The following GRID2 variants were observed in gnomAD, a reference collection of about 807,000 sequenced individuals.
The protein encoded by GRID2 is glutamate ionotropic receptor delta type subunit 2.
In GRID2, 33 loss-of-function variants were observed where a neutral mutation model predicts 114.8. That is an observed-to-expected ratio of 0.29 (90% confidence interval 0.22 to 0.38). GRID2 has a LOEUF of 0.38. Ranked by LOEUF, GRID2 falls within the 10% of genes least tolerant of loss-of-function variation. The pLI is 1.00. For missense variants in GRID2, 1,184 were observed against 1,257.7 expected (o/e 0.94, Z 0.89); for synonymous variants, 505 against 449.9 (o/e 1.12, Z -1.55).
intron 2 of GRID2, among the ~76,000 whole-genome samples, chr4:92,751,747 C>T (rs1453802880): frequency 1.3e-5 from 2 of 152,140 alleles, no homozygotes; most frequent in Non-Finnish European, 2.9e-5. Flanking sequence ...TGATTTTTGA[C>T]ATTCATAGTC....
At chr4:92,977,012 A>AT (rs1340910413) in intron 2 of GRID2, among the ~76,000 whole-genome samples, 1 of 152,080 alleles carries the variant, frequency 6.6e-6, no homozygotes, top group Non-Finnish European at 1.5e-5. Context: ...AGTAGAACTC[A>AT]TTTTTTTCAT....
chr4:93,571,215 C>A (rs967213454), intron 13 of GRID2, among the ~76,000 whole-genome samples: 3 of 151,834 alleles, frequency 2.0e-5, no homozygotes, highest in African/African-American at 7.3e-5. Context: ...GGGTGAAGGT[C>A]CTAAAAATGT....
intron 14 of GRID2, among the ~76,000 whole-genome samples, chr4:93,704,782 G>A (rs1290864999): frequency 6.6e-6 from 1 of 152,050 alleles, no homozygotes; most frequent in Middle Eastern, 3.2e-3. Flanking sequence ...CAAATGACAG[G>A]ATCTCAATTT....
intron 1 of GRID2, among the ~76,000 whole-genome samples, chr4:92,462,662 C>T (rs1721555324): frequency 6.6e-6 from 1 of 151,880 alleles, no homozygotes; most frequent in Non-Finnish European, 1.5e-5. Context: ...CTAACCAAAA[C>T]ACATTCCTAA....
chr4:93,291,986 A>G (rs778769597), intron 8 of GRID2, among the ~76,000 whole-genome samples: 1 of 152,180 alleles, frequency 6.6e-6, no homozygotes, highest in Non-Finnish European at 1.5e-5. Context: ...ATTATTATGT[A>G]AAGTTTTATT....
At chr4:93,045,070 T>G (rs536724485) in intron 2 of GRID2, among the ~76,000 whole-genome samples, 1 of 152,276 alleles carries the variant, frequency 6.6e-6, no homozygotes, top group South Asian at 2.1e-4. Context: ...TGAAGATAGA[T>G]GAACAGTGAT....
chr4:92,838,801 G>C (rs186994442), intron 2 of GRID2: 1 of 152,028 alleles, frequency 6.6e-6, no homozygotes, highest in East Asian at 1.9e-4. Flanking sequence ...TCTCTGTTAG[G>C]AGGTGAGCAG....
rs59824778 is a variant in GRID2 at position 93,608,043 on chromosome 4, CAT to C, written c.2194-18212_2194-18211del. 1.7e-3 allele frequency among the ~76,000 whole-genome samples: 242 copies of C among 146,208 alleles called. 1 individual carries two copies. Among genetic ancestry groups the C allele is most frequent in the African/African-American group, 5.5e-3 (221 of 40,040 alleles). ...CATATAAACCAAATGTCTAACTTTA[CAT>C]ATATATATATATACGTATATAAGTA... On this transcript the variant is annotated intron_variant, in intron 13 of 15. Transcript: ENST00000282020.
At position 93,472,760 on chromosome 4, in the gene GRID2, G is replaced by A. The variant is rs1005252740; in HGVS notation, c.1858+16786G>A. Among the ~76,000 whole-genome samples the A allele has an allele frequency of 3.9e-5, 6 of 152,106 alleles. 1 individual carries two copies. The South Asian group carries it at 1.2e-3, about 31-fold the overall frequency. On this transcript the variant is annotated intron_variant, in intron 11 of 15. Coordinates refer to ENST00000282020, the MANE Select transcript of GRID2 (RefSeq NM_001510.4). ...CAGAAGATAGATATTCATTAAAGATGTTTCATCATCAAACTGGCCCAATAA... is the reference window on the plus strand; with the variant it reads ...CAGAAGATAGATATTCATTAAAGATATTTCATCATCAAACTGGCCCAATAA...
chr4:92,492,326 T>C (rs978172230), intron 1 of GRID2, among the ~76,000 whole-genome samples: 2 of 152,160 alleles, frequency 1.3e-5, no homozygotes, highest in African/African-American at 4.8e-5. Context: ...AGTCTCAAGA[T>C]TTTAACCGTC....
chr4:92,927,474 C>G (rs2149515536), intron 2 of GRID2, among the ~76,000 whole-genome samples: 1 of 151,850 alleles, frequency 6.6e-6, no homozygotes, highest in East Asian at 1.9e-4. Context: ...ACAAAGAGAG[C>G]TAGATGCTAC....
chr4:93,490,832 CA>C, intron 12 of GRID2, 55 bp downstream of exon 12: 1 of 1,209,362 alleles, frequency 8.3e-7, no homozygotes. Flanking sequence ...TAAGAGTGGC[CA>C]AAGCTATCTG....
chr4:93,807,122 T>A (rs565492938), exon 2 of GRID2: 47 of 152,364 alleles, frequency 3.1e-4, no homozygotes, highest in Admixed American at 2.5e-3. Context: ...GCCAGCCCAT[T>A]AGCCTTAGAA....
At chr4:93,025,181 A>T (rs533308640) in intron 2 of GRID2, among the ~76,000 whole-genome samples, 169 of 151,680 alleles carry the variant, frequency 1.1e-3, no homozygotes, top group Non-Finnish European at 1.7e-3. Context: ...AGAAGGAGAA[A>T]ATTTGAATCC....
intron 11 of GRID2, among the ~76,000 whole-genome samples, chr4:93,469,777 G>T (rs944130434): frequency 6.6e-6 from 1 of 151,958 alleles, no homozygotes; most frequent in Non-Finnish European, 1.5e-5. Flanking sequence ...CTTCTATTAG[G>T]GCTGCACTTA....
At chr4:92,977,730 G>T (rs1452726572) in intron 2 of GRID2, among the ~76,000 whole-genome samples, 1 of 152,116 alleles carries the variant, frequency 6.6e-6, no homozygotes, top group Non-Finnish European at 1.5e-5. Flanking sequence ...CAAGATATAT[G>T]TTTGGATTTA....
At chr4:93,657,112 T>C (rs1472851343) in intron 14 of GRID2, among the ~76,000 whole-genome samples, 1 of 152,074 alleles carries the variant, frequency 6.6e-6, no homozygotes, top group Non-Finnish European at 1.5e-5. Context: ...ATAATATACA[T>C]TGATAACATC....
intron 8 of GRID2, among the ~76,000 whole-genome samples, chr4:93,303,328 T>C (rs1188607222): frequency 6.6e-6 from 1 of 152,180 alleles, no homozygotes; most frequent in East Asian, 1.9e-4. Context: ...AACGGAGCAT[T>C]GTTCCAGAGA....
At chr4:93,424,458 T>C (rs910741176) in intron 10 of GRID2, among the ~76,000 whole-genome samples, 5 of 152,158 alleles carry the variant, frequency 3.3e-5, no homozygotes, top group African/African-American at 1.2e-4. Context: ...TATCAAACTC[T>C]GAATTTACAG....
Sources: allele counts gnomAD v4.1 joint callset (sites outside exome capture counted in the v4.1 genomes callset), GRCh38; gene constraint gnomAD v4.1.1; transcripts MANE v1.5; gene names NCBI Gene and HGNC (gene_info 2026-07-23, HGNC 2026-07-21).